Variants in TTBK2 observed in about 807,000 individuals in gnomAD.
TTBK2 encodes tau-tubulin kinase 2.
TTBK2 carries 28 observed loss-of-function variants against 110.8 expected under a neutral mutation model. That is an observed-to-expected ratio of 0.25 (90% CI 0.19 to 0.35). The LOEUF (loss-of-function observed/expected upper bound fraction) is 0.35. Among genes scored for constraint, TTBK2 ranks in the 10% least tolerant of loss-of-function variants. The pLI, the probability that TTBK2 is intolerant of heterozygous loss-of-function variation, is 1.00. For missense variants in TTBK2, 1,369 were observed against 1,500.3 expected (o/e 0.91, Z 1.45); for synonymous variants, 532 against 527.3 (o/e 1.01, Z -0.12).
At chr15:42,790,684 C>T (rs1446709960) in intron 10 of TTBK2, among the ~76,000 whole-genome samples, 1 of 140,440 alleles carries the variant, frequency 7.1e-6, no homozygotes, top group Non-Finnish European at 1.5e-5. Context: ...TTTAAATGCT[C>T]TTAGTTCTCT....
At chr15:42,839,766 T>G (rs1311007663) in intron 4 of TTBK2, among the ~76,000 whole-genome samples, 2 of 152,108 alleles carry the variant, frequency 1.3e-5, no homozygotes, top group African/African-American at 4.8e-5. Context: ...CATATTTTGG[T>G]GTGGAAGTGG....
At chr15:42,832,006 C>G (rs1210421467) in intron 4 of TTBK2, among the ~76,000 whole-genome samples, 1 of 152,164 alleles carries the variant, frequency 6.6e-6, no homozygotes, top group Non-Finnish European at 1.5e-5. Context: ...TTAAAAGTTA[C>G]AGTAAAGTCA....
intron 13 of TTBK2, among the ~76,000 whole-genome samples, chr15:42,771,457 A>C (rs1889673720): frequency 6.6e-6 from 1 of 152,172 alleles, no homozygotes; most frequent in Non-Finnish European, 1.5e-5. Flanking sequence ...TTTAGATGTA[A>C]CTTTTCATTG....
At chr15:42,755,200 T>C (rs2061930483) in intron 13 of TTBK2, among the ~76,000 whole-genome samples, 1 of 152,114 alleles carries the variant, frequency 6.6e-6, no homozygotes, top group Admixed American at 6.5e-5. Context: ...AAAATAACTA[T>C]ATAAACTAAT....
chr15:42,915,544 G>A (rs2031034076), intron 1 of TTBK2, among the ~76,000 whole-genome samples: 1 of 152,200 alleles, frequency 6.6e-6, no homozygotes, highest in East Asian at 1.9e-4. Context: ...GGTACTATCT[G>A]AGGTTTCAGG....
intron 6 of TTBK2, among the ~76,000 whole-genome samples, 192 bp downstream of exon 6, chr15:42,827,732 CCTCT>C (rs559611538): frequency 1.5e-4 from 23 of 152,096 alleles, no homozygotes; most frequent in African/African-American, 4.6e-4. Flanking sequence ...TCTAAATCTC[CCTCT>C]AATATACATT....
At chr15:42,799,716 G>A (rs1166510197) in intron 9 of TTBK2, among the ~76,000 whole-genome samples, 8 of 152,048 alleles carry the variant, frequency 5.3e-5, no homozygotes, top group African/African-American at 1.4e-4. Context: ...GATTACAGGC[G>A]TGAGCCACCG....
At chr15:42,903,804 C>A (rs986212781) in intron 1 of TTBK2, among the ~76,000 whole-genome samples, 1 of 152,162 alleles carries the variant, frequency 6.6e-6, no homozygotes, top group African/African-American at 2.4e-5. Context: ...ATGTTACTTC[C>A]CAGATAGGTT....
At chr15:42,858,715 A>G (rs990286357) in intron 3 of TTBK2, among the ~76,000 whole-genome samples, 2 of 152,220 alleles carry the variant, frequency 1.3e-5, no homozygotes, top group African/African-American at 4.8e-5. Flanking sequence ...ATGACATACC[A>G]GAGCAGAATC....
chr15:42,861,010 C>A (rs779089808), intron 3 of TTBK2, among the ~76,000 whole-genome samples: 3 of 152,004 alleles, frequency 2.0e-5, no homozygotes, highest in African/African-American at 7.3e-5. Context: ...TCAAGAAGGA[C>A]AAAGAAGGGT....
intron 1 of TTBK2, among the ~76,000 whole-genome samples, chr15:42,908,533 A>T (rs1316932586): frequency 1.3e-5 from 2 of 152,210 alleles, no homozygotes; most frequent in African/African-American, 2.4e-5. Flanking sequence ...TTGAGTACTC[A>T]CCCATATAAA....
At chr15:42,903,058 C>T (rs1218664673) in intron 1 of TTBK2, among the ~76,000 whole-genome samples, 3 of 151,522 alleles carry the variant, frequency 2.0e-5, no homozygotes, top group Non-Finnish European at 2.9e-5. Context: ...GAGACAGTCT[C>T]GCTCTGTTGC....
intron 9 of TTBK2, among the ~76,000 whole-genome samples, chr15:42,803,376 T>C (rs1221325879): frequency 6.6e-6 from 1 of 152,232 alleles, no homozygotes; most frequent in African/African-American, 2.4e-5. Flanking sequence ...ACCACTGTCG[T>C]ATATGCAATC....
chr15:42,896,298 A>T lies in TTBK2; in HGVS notation c.-67-17614T>A, dbSNP rs866279404. ...AGCTGAGATCGTGCCATTACACTCC[A>T]GCCTGGTGACAGAGCAAAACTCTGT... On this transcript the variant is annotated intron_variant, in intron 1 of 14. Coordinates refer to ENST00000267890, the MANE Select transcript of TTBK2 (RefSeq NM_173500.4). 9.2e-5 allele frequency among the ~76,000 whole-genome samples: 14 copies of T among 152,142 alleles called. No homozygotes were observed. In the South Asian group the frequency reaches 1.2e-3, roughly 14 times the overall value.
intron 1 of TTBK2, among the ~76,000 whole-genome samples, chr15:42,882,318 G>A (rs1169888882): frequency 6.6e-6 from 1 of 151,902 alleles, no homozygotes; most frequent in Admixed American, 6.6e-5. Context: ...CTAGAAAACA[G>A]CCAGGCACGG....
intron 13 of TTBK2, among the ~76,000 whole-genome samples, chr15:42,757,438 A>C (rs530687302): frequency 2.6e-5 from 4 of 152,308 alleles, no homozygotes; most frequent in Non-Finnish European, 5.9e-5. Flanking sequence ...ACAAATTCAC[A>C]AATGAGGAAA....
chr15:42,836,702 T>C (rs1246920789), intron 4 of TTBK2, among the ~76,000 whole-genome samples: 3 of 152,158 alleles, frequency 2.0e-5, no homozygotes, highest in Non-Finnish European at 4.4e-5. Context: ...AAAATGAATA[T>C]ATGCTAAGAC....
intron 7 of TTBK2, among the ~76,000 whole-genome samples, chr15:42,816,735 T>C (rs955096139): frequency 6.6e-6 from 1 of 151,850 alleles, no homozygotes; most frequent in Admixed American, 6.6e-5. Context: ...CTGGCCAACA[T>C]GGTGAAACAC....
chr15:42,885,902 C>A (rs1289659630), intron 1 of TTBK2, among the ~76,000 whole-genome samples: 3 of 152,180 alleles, frequency 2.0e-5, no homozygotes, highest in Non-Finnish European at 4.4e-5. Context: ...TACCGCTTGG[C>A]CCCAATACAA....
Sources: allele counts gnomAD v4.1 joint callset (sites outside exome capture counted in the v4.1 genomes callset), GRCh38; gene constraint gnomAD v4.1.1; transcripts MANE v1.5; gene names NCBI Gene and HGNC (gene_info 2026-07-23, HGNC 2026-07-21).